PIK3CA: variants seen among roughly 807,000 people sequenced by gnomAD.
PIK3CA encodes the protein phosphatidylinositol-4,5-bisphosphate 3-kinase catalytic subunit alpha.
In PIK3CA, 27 loss-of-function variants were observed where a neutral mutation model predicts 138.2. That is an observed-to-expected ratio of 0.20 (90% CI 0.14 to 0.27). The LOEUF (loss-of-function observed/expected upper bound fraction) is 0.27. Ranked by LOEUF, PIK3CA falls within the 10% of genes least tolerant of loss-of-function variation. The pLI is 1.00. For missense variants in PIK3CA, 544 were observed against 1,277.4 expected, an observed-to-expected ratio of 0.43 and a Z score of 8.75; for synonymous variants, 358 against 413.2, an observed-to-expected ratio of 0.87 and a Z score of 1.62.
chr3:179,208,017 A>G (rs984399519), intron 6 of PIK3CA, among the ~76,000 whole-genome samples: 1 of 152,112 alleles, frequency 6.6e-6, no homozygotes, highest in Non-Finnish European at 1.5e-5. Context: ...GCCTGTGACT[A>G]GCCACTGCAC....
At chr3:179,209,848 G>A in intron 7 of PIK3CA, 148 bp downstream of exon 7, 1 of 467,132 alleles carries the variant, frequency 2.1e-6, no homozygotes, top group Non-Finnish European at 3.7e-6. Context: ...ATGTATCATG[G>A]AAGAATACCT....
rs1024491187 is a variant in PIK3CA, at chr3:179,235,333, TAATA to T, written c.*970_*973del. ...CTATTTATATTATAGAAACTATCAT[TAATA>T]TATATTCTTTATTTACATGATCTGT... On this transcript the variant is annotated 3_prime_UTR_variant, in exon 21 of 21. Coordinates refer to ENST00000263967, the MANE Select transcript of PIK3CA (RefSeq NM_006218.4). 3 of 178,612 alleles carry T rather than the reference TAATA, an allele frequency of 1.7e-5. No homozygotes were observed. Among genetic ancestry groups the T allele is most frequent in the Admixed American group, 6.3e-5 (1 of 15,786 alleles). The allele number at this position is 178,612 out of a possible 1,614,324, so 11.1% of individuals were successfully genotyped here. A position where few individuals can be genotyped will look rare whatever the true frequency, so the allele number is the denominator to read the frequency against.
intron 3 of PIK3CA, among the ~76,000 whole-genome samples, chr3:179,200,503 C>T (rs1363898720): frequency 6.6e-6 from 1 of 151,726 alleles, no homozygotes; most frequent in African/African-American, 2.4e-5. Context: ...AGTTAACTCT[C>T]ACACACTATT....
upstream of PIK3CA, chr3:179,148,174 G>GT (rs1219501387): frequency 6.6e-6 from 1 of 152,360 alleles, no homozygotes; most frequent in African/African-American, 2.4e-5. Flanking sequence ...CGGAGGAGGG[G>GT]GGGGGCCGAG....
chr3:179,228,811 A>G (rs997238544), intron 17 of PIK3CA, among the ~76,000 whole-genome samples: 5 of 151,958 alleles, frequency 3.3e-5, no homozygotes, highest in African/African-American at 7.2e-5. Flanking sequence ...TATTTTCCCT[A>G]TTTCAATTTC....
At chr3:179,166,724 A>C (rs1723429827) in intron 1 of PIK3CA, among the ~76,000 whole-genome samples, 1 of 152,228 alleles carries the variant, frequency 6.6e-6, no homozygotes, top group African/African-American at 2.4e-5. Context: ...GTAAGTATTC[A>C]CATGGGTTTC....
chr3:179,151,827 T>A (rs1292064422), intron 1 of PIK3CA, among the ~76,000 whole-genome samples: 1 of 152,220 alleles, frequency 6.6e-6, no homozygotes, highest in African/African-American at 2.4e-5. Context: ...TCACCTCCTT[T>A]GAAAAGTCTA....
intron 2 of PIK3CA, 124 bp from the exon 3 acceptor site, chr3:179,199,566 C>T (rs761501142): frequency 1.3e-5 from 8 of 632,840 alleles, no homozygotes; most frequent in Non-Finnish European, 1.8e-5. Context: ...TTGTTTTAAC[C>T]TAGCGGTACT....
At position 179,181,311 on chromosome 3, in the gene PIK3CA, A is replaced by G. The variant is rs531227460; in HGVS notation, c.-76-17439A>G. ...ACCAAAGAAACATTATTTTTTTTTT[A>G]CCCTAGGGATAATGACTCATGCTGT... On this transcript the variant is annotated intron_variant, in intron 1 of 20. Transcript: ENST00000263967. 2.6e-5 allele frequency among the ~76,000 whole-genome samples: 4 copies of G among 151,684 alleles called. No individual in the cohort carries two copies. The South Asian group carries it at 8.3e-4, about 32-fold the overall frequency.
rs1264346609 is a variant in PIK3CA at position 179,230,917 on chromosome 3, T to C, written c.2936+541T>C. Reference sequence around the variant, plus strand: ...GTAAAGTCTGAGATTTTAGCGCACCTGTAACCCAAGTAGTGTGCTTTGCCC... The same window carrying C: ...GTAAAGTCTGAGATTTTAGCGCACCCGTAACCCAAGTAGTGTGCTTTGCCC... On this transcript the variant is annotated intron_variant, in intron 20 of 20. Transcript: ENST00000263967. The surrounding 1 kb of genome is among the most constrained non-coding windows in gnomAD (Gnocchi z 5.4). 6.6e-6 allele frequency among the ~76,000 whole-genome samples: 1 copy of C among 152,180 alleles called. No individual in the cohort carries two copies. Among genetic ancestry groups the C allele is most frequent in the Non-Finnish European group, 1.5e-5 (1 of 68,018 alleles).
rs1724905715 is a variant in PIK3CA, at chr3:179,219,036, C to T, written c.1665-160C>T. Among the ~76,000 whole-genome samples, 1 of 151,656 alleles carries T rather than the reference C, an allele frequency of 6.6e-6. No individual in the cohort carries two copies. The highest frequency in any genetic ancestry group is 6.6e-5 in the Admixed American group (1 of 15,198). On this transcript the variant is annotated intron_variant, in intron 10 of 20. Coordinates refer to ENST00000263967, the MANE Select transcript of PIK3CA (RefSeq NM_006218.4). The surrounding 1 kb of genome is among the most constrained non-coding windows in gnomAD (Gnocchi z 4.2). ...CTAAGTATATATGTAAATATATTTC[C>T]AACTATAGTGTTAAACACTGATGTC... is the stretch of plus-strand genomic sequence containing the variant.
At chr3:179,192,792 G>T (rs186211791) in intron 1 of PIK3CA, among the ~76,000 whole-genome samples, 1 of 152,346 alleles carries the variant, frequency 6.6e-6, no homozygotes, top group East Asian at 1.9e-4. Flanking sequence ...TGGCCTGTGG[G>T]TCATGCTTTG....
At chr3:179,212,064 A>G (rs567804691) in intron 9 of PIK3CA, among the ~76,000 whole-genome samples, 2 of 151,834 alleles carry the variant, frequency 1.3e-5, no homozygotes, top group East Asian at 3.9e-4. Flanking sequence ...CTAGAGTGCA[A>G]TGGCACAATC....
chr3:179,181,562 T>C (rs1429151396), intron 1 of PIK3CA, among the ~76,000 whole-genome samples: 2 of 152,198 alleles, frequency 1.3e-5, no homozygotes, highest in African/African-American at 4.8e-5. Flanking sequence ...ATTCTGTGAA[T>C]TATGCAATAG....
chr3:179,150,202 T>G (rs1722976177), intron 1 of PIK3CA, among the ~76,000 whole-genome samples: 1 of 148,084 alleles, frequency 6.8e-6, no homozygotes, highest in Non-Finnish European at 1.5e-5. Context: ...TGTGTGTGTG[T>G]TGGTATTTTG....
At chr3:179,228,910 T>C (rs1013559481) in intron 17 of PIK3CA, among the ~76,000 whole-genome samples, 1 of 152,132 alleles carries the variant, frequency 6.6e-6, no homozygotes, top group Admixed American at 6.6e-5. Flanking sequence ...GAGACCAAAA[T>C]TGAGAACTTC....
rs138563040 is a variant in PIK3CA at position 179,213,860 on chromosome 3, G to T, written c.1539+3295G>T. Among the ~76,000 whole-genome samples, 107 of 152,370 alleles carry T rather than the reference G, an allele frequency of 7.0e-4. 1 individual carries two copies. The highest frequency in any genetic ancestry group is 2.3e-3 in the African/African-American group (96 of 41,600). On this transcript the variant is annotated intron_variant, in intron 9 of 20. Coordinates refer to ENST00000263967, the MANE Select transcript of PIK3CA (RefSeq NM_006218.4). Reference sequence around the variant, plus strand: ...TTGCTTAGTGTAGCCACCTTCATCAGTTATCTTGGCTAGATCTTCTGGATA... The same window carrying T: ...TTGCTTAGTGTAGCCACCTTCATCATTTATCTTGGCTAGATCTTCTGGATA...
intron 20 of PIK3CA, among the ~76,000 whole-genome samples, chr3:179,231,512 T>C (rs1196447691): frequency 2.0e-5 from 3 of 151,896 alleles, no homozygotes; most frequent in Non-Finnish European, 4.4e-5. Flanking sequence ...TAAGGTGGTA[T>C]CTCATTGTGG....
chr3:179,162,859 T>TAAAA lies in PIK3CA; in HGVS notation c.-77+14265_-77+14268dup, dbSNP rs536763876. Among the ~76,000 whole-genome samples, 374 of 145,574 alleles carry TAAAA rather than the reference T, an allele frequency of 2.6e-3. 4 individuals are homozygous for TAAAA. The highest frequency in any genetic ancestry group is 8.9e-3 in the African/African-American group (356 of 39,982). ...ACAGGTTTAGCCTAATTCTCTTCTT[T>TAAAA]AAAAAAAAAAAAGTGAGAAATTAGC... On this transcript the variant is annotated intron_variant, in intron 1 of 20. Transcript: ENST00000263967.
Sources: allele counts gnomAD v4.1 joint callset (sites outside exome capture counted in the v4.1 genomes callset), GRCh38; gene constraint gnomAD v4.1.1; non-coding constraint Gnocchi (gnomAD v3.1); transcripts MANE v1.5; gene names NCBI Gene and HGNC (gene_info 2026-07-23, HGNC 2026-07-21).